KCNAB1: variants seen among roughly 807,000 people sequenced by gnomAD.
KCNAB1 encodes the protein voltage-gated potassium channel subunit beta-1.
KCNAB1 carries 35 observed loss-of-function variants against 64.6 expected under a neutral mutation model. The observed-to-expected ratio is 0.54, with a 90% CI of 0.41 to 0.72. The LOEUF (loss-of-function observed/expected upper bound fraction) is 0.72, where lower values mean the gene tolerates loss of function less well. KCNAB1 is among the 30% of genes least tolerant of loss of function. The pLI is 0.00. For synonymous variants in KCNAB1, 177 were observed against 183.8 expected (o/e 0.96, Z 0.30); for missense variants, 401 against 512.9 (o/e 0.78, Z 2.11).
At chr3:156,174,081 C>A (rs557599947) in intron 1 of KCNAB1, among the ~76,000 whole-genome samples, 43 of 152,266 alleles carry the variant, frequency 2.8e-4, no homozygotes, top group South Asian at 8.3e-4. Flanking sequence ...GACTTTTAAG[C>A]CTCTATAATC....
intron 12 of KCNAB1, among the ~76,000 whole-genome samples, chr3:156,530,822 G>T (rs1190195892): frequency 6.6e-6 from 1 of 152,180 alleles, no homozygotes; most frequent in Non-Finnish European, 1.5e-5. Context: ...CCAAGCAACA[G>T]ATGTGGAAAA....
At chr3:156,119,901 G>T (rs370025316), upstream of KCNAB1, among the ~76,000 whole-genome samples, 1 of 152,022 alleles carries the variant, frequency 6.6e-6, no homozygotes, top group Non-Finnish European at 1.5e-5. Flanking sequence ...TTTCACACCA[G>T]TTTTGGCCTT....
At chr3:156,450,559 TG>T (rs1321585701) in intron 2 of KCNAB1, among the ~76,000 whole-genome samples, 9 of 152,338 alleles carry the variant, frequency 5.9e-5, no homozygotes, top group Non-Finnish European at 1.3e-4. Context: ...TACAAATGCC[TG>T]TTGAGGCTCT....
intron 1 of KCNAB1, among the ~76,000 whole-genome samples, chr3:156,142,385 T>C (rs977293918): frequency 1.4e-4 from 22 of 152,240 alleles, no homozygotes; most frequent in Non-Finnish European, 2.8e-4. Context: ...TAGTTTTACA[T>C]TTTACATTTA....
At chr3:156,381,144 A>T (rs545628862) in intron 1 of KCNAB1, among the ~76,000 whole-genome samples, 9 of 152,266 alleles carry the variant, frequency 5.9e-5, no homozygotes, top group African/African-American at 2.2e-4. Flanking sequence ...AAACAAACCA[A>T]AAAAGCGCCC....
At chr3:156,182,579 A>G (rs1459453090) in intron 1 of KCNAB1, among the ~76,000 whole-genome samples, 3 of 150,636 alleles carry the variant, frequency 2.0e-5, no homozygotes. Flanking sequence ...AAGAAAATCA[A>G]TTTAGCCTTC....
chr3:156,297,773 T>TGC (rs1720897528), intron 1 of KCNAB1, among the ~76,000 whole-genome samples: 1 of 151,944 alleles, frequency 6.6e-6, no homozygotes, highest in Non-Finnish European at 1.5e-5. Context: ...TGTGTGTGTG[T>TGC]GCGCGTGTGC....
intron 1 of KCNAB1, among the ~76,000 whole-genome samples, chr3:156,399,934 T>C (rs1713764136): frequency 6.6e-6 from 1 of 152,220 alleles, no homozygotes; most frequent in Non-Finnish European, 1.5e-5. Flanking sequence ...CTAGTTCAGT[T>C]ACCAGCATTC....
intron 1 of KCNAB1, among the ~76,000 whole-genome samples, chr3:156,313,947 C>A (rs1168552930): frequency 6.6e-6 from 1 of 152,056 alleles, no homozygotes; most frequent in Admixed American, 6.5e-5. Context: ...AAGCTCAAAG[C>A]CCCCCTTTTC....
intron 1 of KCNAB1, among the ~76,000 whole-genome samples, chr3:156,363,923 TCCACTGTAG>T (rs1158780613): frequency 2.0e-5 from 3 of 152,368 alleles, no homozygotes; most frequent in African/African-American, 7.2e-5. Flanking sequence ...TCATACCATT[TCCACTGTAG>T]CCACTAAACG....
At chr3:156,332,910 C>G (rs1723439638) in intron 1 of KCNAB1, among the ~76,000 whole-genome samples, 1 of 152,112 alleles carries the variant, frequency 6.6e-6, no homozygotes, top group African/African-American at 2.4e-5. Flanking sequence ...CAAGTTTATT[C>G]AGAAGCTTAA....
At chr3:156,215,857 G>A (rs953899568) in intron 1 of KCNAB1, 3 of 152,232 alleles carry the variant, frequency 2.0e-5, no homozygotes, top group Non-Finnish European at 4.4e-5. Flanking sequence ...CGAGGAGAGA[G>A]ATGACATAAT....
chr3:156,509,761 C>A (rs1416264712), intron 8 of KCNAB1, among the ~76,000 whole-genome samples: 1 of 152,190 alleles, frequency 6.6e-6, no homozygotes, highest in African/African-American at 2.4e-5. Context: ...TGATGCAGTG[C>A]ACTAAACTAT....
At chr3:156,509,044 A>C (rs1717007778) in intron 8 of KCNAB1, among the ~76,000 whole-genome samples, 1 of 150,828 alleles carries the variant, frequency 6.6e-6, no homozygotes, top group African/African-American at 2.4e-5. Context: ...CAAATTTCCC[A>C]GGCGATTCTG....
At chr3:156,232,984 G>T (rs1716622375) in intron 1 of KCNAB1, among the ~76,000 whole-genome samples, 1 of 152,048 alleles carries the variant, frequency 6.6e-6, no homozygotes. Context: ...TATACCTGTG[G>T]ATTATTATAC....
At chr3:156,488,487 A>G (rs1261482697) in intron 8 of KCNAB1, among the ~76,000 whole-genome samples, 1 of 152,072 alleles carries the variant, frequency 6.6e-6, no homozygotes, top group East Asian at 1.9e-4. Flanking sequence ...GCCTTCTGTC[A>G]TGTTTGAGGA....
At position 156,377,554 on chromosome 3, in the gene KCNAB1, G is replaced by A. The variant is rs184980750; in HGVS notation, c.276-44062G>A. On this transcript the variant is annotated intron_variant, in intron 1 of 13. Coordinates refer to ENST00000490337, the MANE Select transcript of KCNAB1 (RefSeq NM_172160.3). Reference sequence around the variant, plus strand: ...GCTGGTGGACTGTATTGTGTGTGAGGTGAAGGCCTGACTTGTCAATGCTTA... The same window carrying A: ...GCTGGTGGACTGTATTGTGTGTGAGATGAAGGCCTGACTTGTCAATGCTTA... Among the ~76,000 whole-genome samples, 68 of 152,270 alleles carry A rather than the reference G, an allele frequency of 4.5e-4. 1 individual carries two copies. Among genetic ancestry groups the A allele is most frequent in the African/African-American group, 1.6e-3 (66 of 41,560 alleles).
At chr3:156,456,163 G>A (rs1712413030) in intron 3 of KCNAB1, 1 of 152,216 alleles carries the variant, frequency 6.6e-6, no homozygotes, top group Non-Finnish European at 1.5e-5. Flanking sequence ...TTCAGACTTA[G>A]TTGGTGATGT....
chr3:156,446,443 T>C (rs79894597), intron 2 of KCNAB1, among the ~76,000 whole-genome samples: 2,138 of 152,318 alleles, frequency 0.014, 46 homozygotes, highest in African/African-American at 0.048. Flanking sequence ...TTATCTTAAA[T>C]TCTTTAGTGA....
Sources: gnomAD v4.1 joint callset for allele counts (sites outside exome capture counted in the v4.1 genomes callset) on GRCh38, gnomAD v4.1.1 for gene constraint, MANE v1.5 for transcripts, NCBI Gene and HGNC (gene_info 2026-07-23, HGNC 2026-07-21) for gene names.